Variants in NR2F1-AS1 observed in about 807,000 individuals in gnomAD.
NR2F1-AS1 encodes the protein NR2F1 regulatory antisense RNA 1.
intron 2 of NR2F1-AS1, among the ~76,000 whole-genome samples, chr5:93,558,988 G>A (rs891169176): frequency 6.6e-6 from 1 of 152,208 alleles, no homozygotes; most frequent in Non-Finnish European, 1.5e-5. Flanking sequence ...TCATCTTAAA[G>A]TCACCAGCTG....
chr5:93,581,741 T>C (rs866451603), upstream of NR2F1-AS1, among the ~76,000 whole-genome samples: 328 of 17,768 alleles, frequency 0.018, 44 homozygotes, highest in African/African-American at 0.081. Flanking sequence ...TCTCCCCCTC[T>C]CCCTCTCCCT....
chr5:93,418,840 A>T (rs879770759), intron 4 of NR2F1-AS1, among the ~76,000 whole-genome samples: 14 of 152,168 alleles, frequency 9.2e-5, no homozygotes, highest in Admixed American at 8.5e-4. Flanking sequence ...AGTCACTGAA[A>T]GCATTACTGA....
chr5:93,484,459 C>T (rs1006258272), intron 4 of NR2F1-AS1, among the ~76,000 whole-genome samples: 1 of 152,128 alleles, frequency 6.6e-6, no homozygotes, highest in East Asian at 1.9e-4. Flanking sequence ...AAGCACTAAA[C>T]ATGGAAAGGA....
At chr5:93,585,589 TGGTCCC>T (rs1753215531), upstream of NR2F1-AS1, 1 of 925,074 alleles carries the variant, frequency 1.1e-6, no homozygotes, top group South Asian at 1.6e-5. Flanking sequence ...GGGGCTCCTG[TGGTCCC>T]GGCCCGTCCC....
intron 4 of NR2F1-AS1, among the ~76,000 whole-genome samples, chr5:93,529,259 G>T (rs1751684818): frequency 6.6e-6 from 1 of 152,096 alleles, no homozygotes; most frequent in South Asian, 2.1e-4. Context: ...TGTTTTAAAG[G>T]TATGGGGCTC....
chr5:93,550,328 G>A (rs886771533), intron 4 of NR2F1-AS1, among the ~76,000 whole-genome samples: 4 of 152,068 alleles, frequency 2.6e-5, no homozygotes, highest in African/African-American at 9.7e-5. Context: ...CAAGATTCAG[G>A]TCACTATGGG....
chr5:93,459,708 C>A (rs1374558495), intron 4 of NR2F1-AS1, among the ~76,000 whole-genome samples: 2 of 152,252 alleles, frequency 1.3e-5, no homozygotes, highest in Non-Finnish European at 2.9e-5. Flanking sequence ...ATGCAACCAG[C>A]AGAAAGCCTC....
At chr5:93,577,711 T>C (rs1043419639) in intron 1 of NR2F1-AS1, among the ~76,000 whole-genome samples, 3 of 152,226 alleles carry the variant, frequency 2.0e-5, no homozygotes, top group Non-Finnish European at 4.4e-5. Context: ...GGGAGACTAA[T>C]TGATTCAGCA....
At chr5:93,437,840 T>G (rs982004064) in intron 4 of NR2F1-AS1, among the ~76,000 whole-genome samples, 1 of 152,208 alleles carries the variant, frequency 6.6e-6, no homozygotes, top group Non-Finnish European at 1.5e-5. Context: ...CTATACCAAA[T>G]ATTCCTTCAA....
chr5:93,522,767 A>G (rs537153335), intron 4 of NR2F1-AS1, among the ~76,000 whole-genome samples: 41 of 151,820 alleles, frequency 2.7e-4, no homozygotes, highest in Admixed American at 2.7e-3. Flanking sequence ...TCCCCTAGCC[A>G]AGGGAAGCCA....
At chr5:93,511,122 T>C (rs1751286300) in intron 4 of NR2F1-AS1, among the ~76,000 whole-genome samples, 1 of 152,186 alleles carries the variant, frequency 6.6e-6, no homozygotes, top group African/African-American at 2.4e-5. Flanking sequence ...GATTAAACAT[T>C]GCTTCTGAGT....
chr5:93,526,535 A>G (rs1751619209), intron 4 of NR2F1-AS1, among the ~76,000 whole-genome samples: 1 of 152,220 alleles, frequency 6.6e-6, no homozygotes, highest in African/African-American at 2.4e-5. Context: ...TGGCAGAGAC[A>G]TAACACAAAA....
intron 4 of NR2F1-AS1, among the ~76,000 whole-genome samples, chr5:93,447,403 C>A (rs1403766352): frequency 6.6e-6 from 1 of 152,156 alleles, no homozygotes; most frequent in Non-Finnish European, 1.5e-5. Context: ...AAGATAGGAA[C>A]AGACACTTCT....
chr5:93,511,806 G>A lies in NR2F1-AS1; in HGVS notation n.638+41955C>T, dbSNP rs76183809. On this transcript the variant is annotated intron_variant and non_coding_transcript_variant, in intron 4 of 5. Coordinates refer to ENST00000660523, the Ensembl canonical transcript of NR2F1-AS1. ...AAACCCTATTGTGAACTATGCATGC[G>A]AGGGATCTAGACTGCACACTCCTCA... 3.8e-3 allele frequency among the ~76,000 whole-genome samples: 580 copies of A among 152,172 alleles called. 2 individuals are homozygous for A. The highest frequency in any genetic ancestry group is 0.014 in the Middle Eastern group (4 of 294).
At chr5:93,518,404 T>C (rs535914975) in intron 4 of NR2F1-AS1, among the ~76,000 whole-genome samples, 11 of 152,220 alleles carry the variant, frequency 7.2e-5, no homozygotes, top group African/African-American at 2.6e-4. Context: ...CCTTACAGTT[T>C]CAACGTATTT....
intron 4 of NR2F1-AS1, among the ~76,000 whole-genome samples, chr5:93,424,154 T>C (rs188805753): frequency 1.3e-5 from 2 of 152,252 alleles, no homozygotes; most frequent in African/African-American, 4.8e-5. Flanking sequence ...ATACTTTCTC[T>C]AGATGATATC....
chr5:93,568,321 T>C (rs1485016411), intron 1 of NR2F1-AS1, among the ~76,000 whole-genome samples: 2 of 152,230 alleles, frequency 1.3e-5, no homozygotes. Context: ...AGTATATTTA[T>C]TTATACTTTT....
At chr5:93,482,124 T>TA in intron 4 of NR2F1-AS1, among the ~76,000 whole-genome samples, 1 of 152,196 alleles carries the variant, frequency 6.6e-6, no homozygotes, top group East Asian at 1.9e-4. Flanking sequence ...GGTTTGTTGA[T>TA]AAAAATCAAC....
intron 4 of NR2F1-AS1, among the ~76,000 whole-genome samples, chr5:93,527,095 ACC>A (rs768619605): frequency 8.8e-4 from 134 of 152,200 alleles, no homozygotes; most frequent in Non-Finnish European, 1.5e-3. Flanking sequence ...TATTTAGAAA[ACC>A]TCATCATCTC....
Sources: allele counts gnomAD v4.1 joint callset (sites outside exome capture counted in the v4.1 genomes callset), GRCh38; gene constraint gnomAD v4.1.1; transcripts MANE v1.5; gene names NCBI Gene and HGNC (gene_info 2026-07-23, HGNC 2026-07-21).